Variants in FAM169A observed in about 807,000 individuals in gnomAD.
FAM169A encodes the protein family with sequence similarity 169 member A, also known as soluble lamin-associated protein of 75 kDa.
FAM169A carries 24 observed loss-of-function variants against 75.7 expected under a neutral mutation model. That is an observed-to-expected ratio of 0.32 (90% CI 0.23 to 0.45). FAM169A has a LOEUF of 0.45. Among genes scored for constraint, FAM169A ranks in the 20% least tolerant of loss-of-function variants. FAM169A has a pLI of 1.00. For missense variants in FAM169A, 673 were observed against 784.0 expected, an observed-to-expected ratio of 0.86 and a Z score of 1.69; for synonymous variants, 271 against 271.0, an observed-to-expected ratio of 1.00 and a Z score of 0.00.
At chr5:74,827,551 AATT>A (rs1748099253) in intron 5 of FAM169A, among the ~76,000 whole-genome samples, 2 of 152,094 alleles carry the variant, frequency 1.3e-5, no homozygotes, top group South Asian at 4.1e-4. Context: ...GAATTATTAT[AATT>A]ATTATATTAG....
chr5:74,806,035 T>C (rs1746866067), intron 6 of FAM169A, among the ~76,000 whole-genome samples: 1 of 140,116 alleles, frequency 7.1e-6, no homozygotes, highest in Non-Finnish European at 1.5e-5. Context: ...AAAATAAGGA[T>C]AGAGACTTGT....
chr5:74,805,524 C>CTTTTTTT (rs1194674402), intron 6 of FAM169A, among the ~76,000 whole-genome samples: 1,572 of 81,930 alleles, frequency 0.019, 114 homozygotes, highest in East Asian at 0.028. Flanking sequence ...ATGTGCTTCG[C>CTTTTTTT]TTTTTTTTTT....
At chr5:74,814,616 T>C (rs573270126) in intron 5 of FAM169A, among the ~76,000 whole-genome samples, 6 of 152,314 alleles carry the variant, frequency 3.9e-5, no homozygotes, top group South Asian at 4.1e-4. Context: ...TGGATAAAAT[T>C]TCCTGTAGAT....
At chr5:74,814,171 G>T in intron 5 of FAM169A, 152 bp from the exon 6 acceptor site, 1 of 519,892 alleles carries the variant, frequency 1.9e-6, no homozygotes, top group South Asian at 4.2e-5. Flanking sequence ...GTGTTTTTCA[G>T]CTACTATTAG....
In FAM169A at chr5:74,782,967, T is replaced by G. The variant is rs1328928830; in HGVS notation, c.1428A>C (p.Glu476Asp). 1 of 1,613,874 alleles carries G rather than the reference T, an allele frequency of 6.2e-7. No homozygotes were observed. Among genetic ancestry groups the G allele is most frequent in the Non-Finnish European group, 8.5e-7 (1 of 1,179,794 alleles). ...CATCTACCTCAGGGGGTTTTGAAGA[T>G]TCTACCACCAGTGGAACAAGATTTG... ...DSTNLVPLVV[E>D]SSKPPEVDAP... Residue 476 changes from glutamate to aspartate, a missense_variant, in exon 12 of 13, where the codon GAA becomes GAC. By Grantham distance (45) the Glu-to-Asp change is conservative. This residue lies in a region of FAM169A where 510 missense variants were observed against 550.9 expected (regional missense o/e 0.93). Transcript: ENST00000687041.
rs557447797 is a variant in FAM169A, at chr5:74,782,442, C to G, written c.1465-434G>C. Among the ~76,000 whole-genome samples the G allele has an allele frequency of 2.0e-4, 31 of 152,224 alleles. No homozygotes were observed. The South Asian group carries it at 6.2e-3, about 31-fold the overall frequency. On this transcript the variant is annotated intron_variant, in intron 12 of 12. Coordinates refer to ENST00000687041, the MANE Select transcript of FAM169A (RefSeq NM_001376049.1). Reference sequence around the variant, plus strand: ...AAGTTAGGGCAATGGAAGTTTTATTCTTTTGCTTAGGTGAGACACTAATAA... The same window carrying G: ...AAGTTAGGGCAATGGAAGTTTTATTGTTTTGCTTAGGTGAGACACTAATAA...
At chr5:74,844,984 A>C (rs1749076817) in intron 1 of FAM169A, among the ~76,000 whole-genome samples, 1 of 152,186 alleles carries the variant, frequency 6.6e-6, no homozygotes, top group Non-Finnish European at 1.5e-5. Context: ...TATAAAGGGG[A>C]AGGCAGAAGA....
At position 74,841,800 on chromosome 5, in the gene FAM169A, A is replaced by G. The variant is rs529237118; in HGVS notation, c.-3-121T>C. 12 of 850,130 alleles carry G rather than the reference A, an allele frequency of 1.4e-5. No homozygotes were observed. In the Middle Eastern group the frequency reaches 7.5e-4, roughly 53 times the overall value. 52.7% of individuals were successfully genotyped at this position (850,130 alleles called of 1,614,324 possible). A position where few individuals can be genotyped will look rare whatever the true frequency, so the allele number is the denominator to read the frequency against. ...TGTTATAACAAGATTTTTCTGTTTCACTTTGCCCGCAGAATACAACTTGAA... is the reference window on the plus strand; with the variant it reads ...TGTTATAACAAGATTTTTCTGTTTCGCTTTGCCCGCAGAATACAACTTGAA... On this transcript the variant is annotated intron_variant, in intron 1 of 12. Transcript: ENST00000687041.
At chr5:74,822,208 T>A (rs1747799233) in intron 5 of FAM169A, among the ~76,000 whole-genome samples, 1 of 152,238 alleles carries the variant, frequency 6.6e-6, no homozygotes. Flanking sequence ...TTTTATCCTG[T>A]GGCTTCCTCA....
At chr5:74,857,592 A>AC (rs1439952963) in intron 1 of FAM169A, among the ~76,000 whole-genome samples, 1 of 133,258 alleles carries the variant, frequency 7.5e-6, no homozygotes, top group South Asian at 2.3e-4. Flanking sequence ...AAAAAAAAAA[A>AC]AAAAAAAAAA....
intron 10 of FAM169A, among the ~76,000 whole-genome samples, 192 bp from the exon 11 acceptor site, chr5:74,796,378 T>C (rs1210354907): frequency 6.6e-6 from 1 of 151,844 alleles, no homozygotes; most frequent in African/African-American, 2.4e-5. Context: ...ACTAGACCCT[T>C]CTTCTTTTAT....
chr5:74,790,970 T>TG (rs1157196003), intron 11 of FAM169A, among the ~76,000 whole-genome samples: 2 of 152,204 alleles, frequency 1.3e-5, no homozygotes, highest in Non-Finnish European at 2.9e-5. Context: ...GCAATGCTTC[T>TG]GCCAAGACTA....
At position 74,841,452 on chromosome 5, in the gene FAM169A, T is replaced by C. The variant is rs1748856629; in HGVS notation, c.132+93A>G. 1.3e-5 allele frequency: 13 copies of C among 972,018 alleles called. No individual in the cohort carries two copies. The South Asian group carries it at 3.2e-4, about 24-fold the overall frequency. The allele number at this position is 972,018 out of a possible 1,614,324, so 60.2% of individuals were successfully genotyped here. On this transcript the variant is annotated intron_variant, in intron 2 of 12. Transcript: ENST00000687041. Reference sequence around the variant, plus strand: ...TGTAAAGATTTCAAAAATTAATGATTAACACTTAAAATGATTTTTTTAAAA... The same window carrying C: ...TGTAAAGATTTCAAAAATTAATGATCAACACTTAAAATGATTTTTTTAAAA...
intron 5 of FAM169A, among the ~76,000 whole-genome samples, chr5:74,824,824 A>G (rs1747940393): frequency 1.3e-5 from 2 of 152,064 alleles, no homozygotes; most frequent in Admixed American, 1.3e-4. Context: ...TTCTCTAAGT[A>G]ACTTACTATA....
intron 5 of FAM169A, among the ~76,000 whole-genome samples, chr5:74,827,144 T>C (rs879432773): frequency 6.6e-6 from 1 of 152,342 alleles, no homozygotes; most frequent in East Asian, 1.9e-4. Flanking sequence ...ATGTTAACCA[T>C]AATCTGTTGG....
chr5:74,819,610 C>T (rs1001653198), intron 5 of FAM169A, among the ~76,000 whole-genome samples: 1 of 152,170 alleles, frequency 6.6e-6, no homozygotes, highest in African/African-American at 2.4e-5. Context: ...TTGTTCATAT[C>T]AGCATTGTTC....
intron 1 of FAM169A, among the ~76,000 whole-genome samples, chr5:74,844,775 C>T (rs1455383011): frequency 3.3e-5 from 5 of 152,094 alleles, no homozygotes; most frequent in Non-Finnish European, 7.4e-5. Flanking sequence ...CAAGATCGCA[C>T]CACTGCACTC....
At chr5:74,832,437 T>C (rs138127041) in intron 5 of FAM169A, among the ~76,000 whole-genome samples, 5 of 151,936 alleles carry the variant, frequency 3.3e-5, no homozygotes, top group Admixed American at 6.6e-5. Context: ...CTATTCTATG[T>C]CCTAATAGCC....
At chr5:74,824,083 A>G (rs1371714468) in intron 5 of FAM169A, among the ~76,000 whole-genome samples, 3 of 152,316 alleles carry the variant, frequency 2.0e-5, no homozygotes, top group Non-Finnish European at 4.4e-5. Context: ...TGCTTCCATT[A>G]CAAATCACCT....
Sources: allele counts gnomAD v4.1 joint callset (sites outside exome capture counted in the v4.1 genomes callset), GRCh38; gene constraint gnomAD v4.1.1; regional missense constraint gnomAD v4.1.1; transcripts MANE v1.5; gene names NCBI Gene and HGNC (gene_info 2026-07-23, HGNC 2026-07-21).